Variants in PCDHA10 observed in about 807,000 individuals in gnomAD.
The protein encoded by PCDHA10 is protocadherin alpha 10.
PCDHA10 carries 45 observed loss-of-function variants against 61.2 expected under a neutral mutation model. The ratio of observed to expected loss-of-function variants is 0.74; its 90% CI spans 0.58 to 0.94. PCDHA10 has a LOEUF of 0.94. Among genes scored for constraint, PCDHA10 ranks in the 40% least tolerant of loss-of-function variants. The pLI is 0.00. For synonymous variants in PCDHA10, 602 were observed against 548.8 expected (o/e 1.10, Z -1.35); for missense variants, 1,278 against 1,236.2 (o/e 1.03, Z -0.51).
intron 1 of PCDHA10, among the ~76,000 whole-genome samples, chr5:140,974,022 A>G (rs1348109814): frequency 2.0e-5 from 3 of 152,248 alleles, no homozygotes; most frequent in African/African-American, 4.8e-5. Context: ...TGATAATACA[A>G]CTATAAATTT....
intron 1 of PCDHA10, chr5:140,870,717 T>G: frequency 6.2e-7 from 1 of 1,613,180 alleles, no homozygotes. Flanking sequence ...GCGCGCGCGA[T>G]GCGGGCGTGC....
At chr5:140,918,940 A>C (rs541337613) in intron 1 of PCDHA10, among the ~76,000 whole-genome samples, 51 of 152,328 alleles carry the variant, frequency 3.3e-4, no homozygotes, top group African/African-American at 1.2e-3. Flanking sequence ...TTTTGTTATA[A>C]TATCCTGAAC....
intron 1 of PCDHA10, among the ~76,000 whole-genome samples, chr5:140,951,795 C>T (rs2094636851): frequency 6.6e-6 from 1 of 152,166 alleles, no homozygotes; most frequent in African/African-American, 2.4e-5. Context: ...ACAATTATCC[C>T]TTCCCAATGG....
intron 3 of PCDHA10, among the ~76,000 whole-genome samples, chr5:140,998,830 C>G (rs1385890461): frequency 6.6e-6 from 1 of 152,200 alleles, no homozygotes; most frequent in African/African-American, 2.4e-5. Flanking sequence ...TCCCAAAGTG[C>G]TGGATTACTG....
chr5:140,946,326 A>T (rs1554217498), intron 1 of PCDHA10, among the ~76,000 whole-genome samples: 1 of 151,914 alleles, frequency 6.6e-6, no homozygotes, highest in East Asian at 1.9e-4. Context: ...GAAAGAGGAA[A>T]GATAACAAGT....
chr5:140,876,970 G>C, intron 1 of PCDHA10: 1 of 1,612,850 alleles, frequency 6.2e-7, no homozygotes. Context: ...GCGGCGGGTG[G>C]GCGAGCACGC....
At chr5:140,979,179 G>T in intron 2 of PCDHA10, 172 bp downstream of exon 2, 1 of 936,772 alleles carries the variant, frequency 1.1e-6, no homozygotes, top group Middle Eastern at 5.5e-4. Flanking sequence ...ATCGCAAATG[G>T]TCAGTGCCAG....
At chr5:140,870,992 T>C (rs782714479) in intron 1 of PCDHA10, 1 of 1,613,478 alleles carries the variant, frequency 6.2e-7, no homozygotes, top group South Asian at 1.1e-5. Context: ...ACGGGCGAGA[T>C]AAGCACAACG....
At chr5:140,891,972 T>C (rs1273277446) in intron 1 of PCDHA10, among the ~76,000 whole-genome samples, 1 of 152,222 alleles carries the variant, frequency 6.6e-6, no homozygotes, top group African/African-American at 2.4e-5. Flanking sequence ...TAAATTTCCG[T>C]TCTCATAAAT....
chr5:140,965,676 G>A (rs906070464), intron 1 of PCDHA10, among the ~76,000 whole-genome samples: 1 of 152,132 alleles, frequency 6.6e-6, no homozygotes, highest in African/African-American at 2.4e-5. Flanking sequence ...AAATGTAAAA[G>A]ATTTGAAGCA....
intron 1 of PCDHA10, chr5:140,967,313 C>T: frequency 6.2e-7 from 1 of 1,611,052 alleles, no homozygotes; most frequent in Non-Finnish European, 8.5e-7. Flanking sequence ...CAACTCAGTA[C>T]AGACCTACGA....
intron 1 of PCDHA10, among the ~76,000 whole-genome samples, chr5:140,901,931 C>G (rs2068990642): frequency 6.6e-6 from 1 of 151,430 alleles, no homozygotes; most frequent in Non-Finnish European, 1.5e-5. Context: ...TGGTTAATTC[C>G]TAGGTATATT....
intron 3 of PCDHA10, among the ~76,000 whole-genome samples, chr5:140,988,142 A>G (rs1017336547): frequency 5.3e-5 from 8 of 152,056 alleles, no homozygotes; most frequent in African/African-American, 1.4e-4. Context: ...AACCTGTTCA[A>G]CCTCAACTTC....
intron 1 of PCDHA10, chr5:140,966,616 G>A: frequency 1.3e-6 from 1 of 788,372 alleles, no homozygotes; most frequent in South Asian, 2.7e-5. Context: ...AGGGCCTACG[G>A]AGGGAGCGGC....
At chr5:140,938,251 A>C (rs1015321564) in intron 1 of PCDHA10, among the ~76,000 whole-genome samples, 4 of 152,176 alleles carry the variant, frequency 2.6e-5, no homozygotes, top group Non-Finnish European at 5.9e-5. Context: ...TGGTCTTTTA[A>C]AAACTTTCTA....
chr5:140,995,113 A>T (rs560699104), intron 3 of PCDHA10, among the ~76,000 whole-genome samples: 1 of 152,370 alleles, frequency 6.6e-6, no homozygotes, highest in East Asian at 1.9e-4. Flanking sequence ...CAAGACCCTC[A>T]GTGGATGCCT....
intron 1 of PCDHA10, among the ~76,000 whole-genome samples, chr5:140,896,352 A>G (rs1045413506): frequency 2.6e-5 from 4 of 152,166 alleles, no homozygotes; most frequent in African/African-American, 4.8e-5. Flanking sequence ...TCCCGCCAGC[A>G]GTGTATAAGC....
intron 1 of PCDHA10, chr5:140,867,796 C>A (rs1477266622): frequency 4.6e-5 from 7 of 152,060 alleles, no homozygotes; most frequent in African/African-American, 1.7e-4. Context: ...TTTTACTTAG[C>A]ATTTTCTATG....
chr5:140,997,575 C>T (rs565835201), intron 3 of PCDHA10, among the ~76,000 whole-genome samples: 5 of 151,884 alleles, frequency 3.3e-5, no homozygotes, highest in East Asian at 3.9e-4. Context: ...ATGTGTGGTC[C>T]GTTGTTGACT....
Sources: allele counts gnomAD v4.1 joint callset (sites outside exome capture counted in the v4.1 genomes callset), GRCh38; gene constraint gnomAD v4.1.1; transcripts MANE v1.5; gene names NCBI Gene and HGNC (gene_info 2026-07-23, HGNC 2026-07-21).